The following MRPL48 variants were observed in gnomAD, a reference collection of about 807,000 sequenced individuals.
The protein encoded by MRPL48 is mitochondrial ribosomal protein L48.
MRPL48 carries 16 observed loss-of-function variants against 32.9 expected under a neutral mutation model. The observed-to-expected ratio is 0.49, with a 90% CI of 0.33 to 0.74. MRPL48 has a LOEUF of 0.74. MRPL48 is among the 30% of genes least tolerant of loss of function. MRPL48 has a pLI of 0.02. For missense variants in MRPL48, 206 were observed against 245.3 expected (o/e 0.84, Z 1.07); for synonymous variants, 94 against 89.2 (o/e 1.05, Z -0.31).
chr11:73,795,518 T>A (rs1314859195), intron 1 of MRPL48, among the ~76,000 whole-genome samples: 1 of 146,512 alleles, frequency 6.8e-6, no homozygotes, highest in Non-Finnish European at 1.5e-5. Flanking sequence ...ATATTCACTC[T>A]TTTTTTTTTT....
At chr11:73,849,569 T>C (rs1792194) in intron 5 of MRPL48, among the ~76,000 whole-genome samples, 13,825 of 152,358 alleles carry the variant, frequency 0.091, 972 homozygotes, top group African/African-American at 0.2. Context: ...ATCTATGTTG[T>C]TGCCTGCAAG....
At chr11:73,797,237 T>C (rs1469384878) in intron 1 of MRPL48, among the ~76,000 whole-genome samples, 6 of 152,222 alleles carry the variant, frequency 3.9e-5, no homozygotes, top group Admixed American at 3.9e-4. Flanking sequence ...TCTGAGCTAT[T>C]CTGCCACTCA....
At chr11:73,804,438 G>A (rs375729870) in intron 1 of MRPL48, among the ~76,000 whole-genome samples, 27 of 151,712 alleles carry the variant, frequency 1.8e-4, no homozygotes, top group African/African-American at 6.5e-4. Context: ...CACCATGCCC[G>A]GCTAATTTTT....
chr11:73,815,047 T>C lies in MRPL48; in HGVS notation c.112+6697T>C, dbSNP rs116771901. Among the ~76,000 whole-genome samples the C allele has an allele frequency of 4.0e-3, 609 of 152,096 alleles. 6 individuals carry two copies. The highest frequency in any genetic ancestry group is 0.014 in the African/African-American group (580 of 41,466). ...AACAAAAAAGTGTTCCATCTGGAAT[T>C]ATAAGTGGAGCATGAATATAGTTTC... is the stretch of plus-strand genomic sequence containing the variant. On this transcript the variant is annotated intron_variant, in intron 3 of 7. Transcript: ENST00000310614.
At chr11:73,811,328 T>A (rs1433765461) in intron 3 of MRPL48, among the ~76,000 whole-genome samples, 1 of 152,062 alleles carries the variant, frequency 6.6e-6, no homozygotes, top group Non-Finnish European at 1.5e-5. Flanking sequence ...GACAAGTGAA[T>A]GAAAGTCCAA....
chr11:73,808,555 T>A (rs1303594866), intron 3 of MRPL48, among the ~76,000 whole-genome samples: 1 of 152,226 alleles, frequency 6.6e-6, no homozygotes, highest in African/African-American at 2.4e-5. Flanking sequence ...TAAGTTTGGA[T>A]TCCAACTGTA....
intron 3 of MRPL48, among the ~76,000 whole-genome samples, chr11:73,810,515 C>CT (rs1174497587): frequency 1.4e-4 from 21 of 151,130 alleles, no homozygotes; most frequent in African/African-American, 4.6e-4. Context: ...GAGCGAAACT[C>CT]TGACTCAAAA....
chr11:73,816,935 C>G (rs927805799), intron 3 of MRPL48, among the ~76,000 whole-genome samples: 3 of 151,852 alleles, frequency 2.0e-5, no homozygotes, highest in Admixed American at 6.6e-5. Context: ...AAGTGATTCT[C>G]CTGCCTCAGC....
chr11:73,838,335 A>G (rs1237665041), intron 4 of MRPL48, among the ~76,000 whole-genome samples: 3 of 152,216 alleles, frequency 2.0e-5, no homozygotes, highest in African/African-American at 7.2e-5. Context: ...GAACTGAAAT[A>G]TGTATTGTAA....
intron 4 of MRPL48, among the ~76,000 whole-genome samples, chr11:73,827,987 G>A (rs915586254): frequency 2.0e-5 from 3 of 152,038 alleles, no homozygotes; most frequent in Admixed American, 1.3e-4. Flanking sequence ...TAGGCATGGC[G>A]GGTCCTGAAA....
chr11:73,815,691 T>TA (rs1005910021), intron 3 of MRPL48, among the ~76,000 whole-genome samples: 4 of 151,862 alleles, frequency 2.6e-5, no homozygotes, highest in African/African-American at 9.7e-5. Context: ...TTTTTTTACT[T>TA]AAAAATTTTT....
chr11:73,823,995 A>G (rs890205315), intron 3 of MRPL48, among the ~76,000 whole-genome samples: 5 of 151,856 alleles, frequency 3.3e-5, no homozygotes, highest in African/African-American at 9.7e-5. Context: ...AACTGGGATT[A>G]TATGCGTGCA....
chr11:73,834,678 C>T (rs2135031426), intron 4 of MRPL48, among the ~76,000 whole-genome samples: 1 of 151,470 alleles, frequency 6.6e-6, no homozygotes, highest in Non-Finnish European at 1.5e-5. Context: ...GGACTACAGG[C>T]GTGTGCCACC....
At chr11:73,824,640 A>T (rs986795262) in intron 3 of MRPL48, among the ~76,000 whole-genome samples, 1 of 151,992 alleles carries the variant, frequency 6.6e-6, no homozygotes, top group Admixed American at 6.6e-5. Flanking sequence ...TTTGCTGGCT[A>T]TTTTTGCTGC....
Position 73,856,466 on chromosome 11 carries a change from AAGAAG to A in MRPL48, c.372-3438_372-3434del, listed in dbSNP as rs1259916219. Among the ~76,000 whole-genome samples, 7 of 152,222 alleles carry A rather than the reference AAGAAG, an allele frequency of 4.6e-5. No homozygotes were observed. In the East Asian group the frequency reaches 9.6e-4, roughly 21 times the overall value. ...TACAACTCACCCAGAAGGAGAGGCA[AAGAAG>A]AGGCCTCTCATGTGGGTCCCTTAAT... On this transcript the variant is annotated intron_variant, in intron 5 of 7. Coordinates refer to ENST00000310614, the MANE Select transcript of MRPL48 (RefSeq NM_016055.6).
chr11:73,829,925 C>G (rs954665876), intron 4 of MRPL48, among the ~76,000 whole-genome samples: 1 of 151,570 alleles, frequency 6.6e-6, no homozygotes, highest in East Asian at 1.9e-4. Flanking sequence ...CCACTACACC[C>G]GGCTCATTAT....
intron 5 of MRPL48, among the ~76,000 whole-genome samples, chr11:73,845,650 G>A (rs1009394798): frequency 4.6e-5 from 7 of 152,172 alleles, no homozygotes; most frequent in Non-Finnish European, 7.3e-5. Context: ...TGTGCCTGTA[G>A]TCCCACCTAC....
At chr11:73,803,932 T>G (rs1947400709) in intron 1 of MRPL48, among the ~76,000 whole-genome samples, 1 of 152,148 alleles carries the variant, frequency 6.6e-6, no homozygotes, top group Non-Finnish European at 1.5e-5. Context: ...ATTTTAATTT[T>G]TTTTTGAGAC....
At chr11:73,859,838 G>A (rs1302785212) in intron 5 of MRPL48, 69 bp from the exon 6 acceptor site, 1 of 1,322,640 alleles carries the variant, frequency 7.6e-7, no homozygotes, top group East Asian at 2.3e-5. Context: ...TATACTCATG[G>A]ACTACTATGA....
Sources: gnomAD v4.1 joint callset for allele counts (sites outside exome capture counted in the v4.1 genomes callset) on GRCh38, gnomAD v4.1.1 for gene constraint, MANE v1.5 for transcripts, NCBI Gene and HGNC (gene_info 2026-07-23, HGNC 2026-07-21) for gene names.